Variants in DIAPH3 observed in about 807,000 individuals in gnomAD.
DIAPH3 encodes the protein protein diaphanous homolog 3.
In DIAPH3, 117 loss-of-function variants were observed where a neutral mutation model predicts 144.3. The observed-to-expected ratio is 0.81, with a 90% CI of 0.70 to 0.95. The LOEUF (loss-of-function observed/expected upper bound fraction) is 0.95, where lower values mean the gene tolerates loss of function less well. Ranked by LOEUF, DIAPH3 falls within the 40% of genes least tolerant of loss-of-function variation. The probability of loss-of-function intolerance (pLI) is 0.00; values close to 1 mark genes in which losing one functional copy is unlikely to be tolerated. For synonymous variants in DIAPH3, 519 were observed against 488.9 expected (o/e 1.06, Z -0.81); for missense variants, 1,421 against 1,412.7 (o/e 1.01, Z -0.09).
chr13:60,015,804 A>G lies in DIAPH3; in HGVS notation c.771+109T>C, dbSNP rs534214944. The G allele has an allele frequency of 1.6e-5, 15 of 942,904 alleles. No homozygotes were observed. In the East Asian group the frequency reaches 3.1e-4, roughly 19 times the overall value. The allele number at this position is 942,904 out of a possible 1,614,324, so 58.4% of individuals were successfully genotyped here. On this transcript the variant is annotated intron_variant, in intron 7 of 27. Coordinates refer to ENST00000400324, the MANE Select transcript of DIAPH3 (RefSeq NM_001042517.2). ...ATTCAATAAAATTCAATATTTTTCC[A>G]TCATGTACTAAAAAACACATCAGAA... is the stretch of plus-strand genomic sequence containing the variant.
At chr13:60,034,627 C>T (rs1450531959) in intron 5 of DIAPH3, 1 of 152,176 alleles carries the variant, frequency 6.6e-6, no homozygotes, top group Non-Finnish European at 1.5e-5. Context: ...CAGGAGGTCA[C>T]CATATTGATG....
rs138205175 is a variant in DIAPH3, at chr13:59,782,859, T to C, written c.3164-8036A>G. ...AAGAGACAAGACCCAGCTAAAGCTG[T>C]CAGGAAAGCTGTACAAGGCAGGGAT... On this transcript the variant is annotated intron_variant, in intron 25 of 27. Coordinates refer to ENST00000400324, the MANE Select transcript of DIAPH3 (RefSeq NM_001042517.2). Among the ~76,000 whole-genome samples, 49 of 152,166 alleles carry C rather than the reference T, an allele frequency of 3.2e-4. No homozygotes were observed. In the East Asian group the frequency reaches 9.5e-3, roughly 30 times the overall value.
chr13:59,700,384 A>G (rs952730696), intron 27 of DIAPH3, among the ~76,000 whole-genome samples: 1 of 152,194 alleles, frequency 6.6e-6, no homozygotes, highest in African/African-American at 2.4e-5. Context: ...ACAGACACAC[A>G]CTAATTCCTT....
Position 59,786,767 on chromosome 13 carries a change from A to G in DIAPH3, c.3164-11944T>C, listed in dbSNP as rs185198753. ...AAGCTCTGTGTGTATGTGTTTAGGG[A>G]GAGGGGGTAGAGAAGGTGGCTCTGT... On this transcript the variant is annotated intron_variant, in intron 25 of 27. Coordinates refer to ENST00000400324, the MANE Select transcript of DIAPH3 (RefSeq NM_001042517.2). 1.9e-3 allele frequency among the ~76,000 whole-genome samples: 295 copies of G among 152,292 alleles called. 2 individuals are homozygous for G. The highest frequency in any genetic ancestry group is 6.8e-3 in the African/African-American group (282 of 41,564).
rs180887125 is a variant in DIAPH3 at position 60,133,990 on chromosome 13, T to C, written c.181-1001A>G. Among the ~76,000 whole-genome samples the C allele has an allele frequency of 4.3e-4, 65 of 152,356 alleles. 1 individual carries two copies. The highest frequency in any genetic ancestry group is 1.6e-3 in the Admixed American group (24 of 15,304). ...TAGAATGAAATTTATCATTCATGTT[T>C]GTATACTCAAGTACACCTTCATGCT... On this transcript the variant is annotated intron_variant, in intron 1 of 27. Coordinates refer to ENST00000400324, the MANE Select transcript of DIAPH3 (RefSeq NM_001042517.2).
chr13:59,904,631 G>T (rs989054134), intron 20 of DIAPH3, among the ~76,000 whole-genome samples: 30 of 151,330 alleles, frequency 2.0e-4, no homozygotes, highest in African/African-American at 7.0e-4. Flanking sequence ...ATGTACAAAG[G>T]ACCAATGCGT....
At chr13:60,069,662 A>T (rs2057121877) in intron 4 of DIAPH3, among the ~76,000 whole-genome samples, 1 of 152,108 alleles carries the variant, frequency 6.6e-6, no homozygotes, top group Non-Finnish European at 1.5e-5. Context: ...TATATGGTGT[A>T]AGGAAGGGGT....
chr13:59,730,827 G>T (rs916347375), intron 27 of DIAPH3, among the ~76,000 whole-genome samples: 1 of 152,160 alleles, frequency 6.6e-6, no homozygotes, highest in African/African-American at 2.4e-5. Flanking sequence ...TCACATGAAT[G>T]TGCATGTGAA....
intron 17 of DIAPH3, among the ~76,000 whole-genome samples, chr13:59,968,019 G>A (rs1176676653): frequency 6.6e-6 from 1 of 152,172 alleles, no homozygotes; most frequent in African/African-American, 2.4e-5. Flanking sequence ...GCAGTACAAA[G>A]GCAGAGAGAG....
At chr13:60,111,403 G>A (rs1177668696) in intron 3 of DIAPH3, among the ~76,000 whole-genome samples, 2 of 152,222 alleles carry the variant, frequency 1.3e-5, no homozygotes, top group African/African-American at 4.8e-5. Context: ...CACAGTGACT[G>A]TCATTTTAAC....
chr13:59,957,302 G>T (rs1206569356), intron 17 of DIAPH3, among the ~76,000 whole-genome samples: 1 of 152,124 alleles, frequency 6.6e-6, no homozygotes, highest in Non-Finnish European at 1.5e-5. Context: ...CCCAGTGAGA[G>T]GTAATTTAAT....
At chr13:59,676,800 G>T (rs2032666680) in intron 27 of DIAPH3, among the ~76,000 whole-genome samples, 1 of 152,104 alleles carries the variant, frequency 6.6e-6, no homozygotes, top group African/African-American at 2.4e-5. Context: ...CATTTAATAA[G>T]AATCTGCTTA....
intron 27 of DIAPH3, among the ~76,000 whole-genome samples, chr13:59,731,787 C>T (rs1341802678): frequency 6.6e-6 from 1 of 152,088 alleles, no homozygotes; most frequent in Non-Finnish European, 1.5e-5. Context: ...AGTAAAGTTG[C>T]TTAGCTTTTC....
chr13:59,926,860 A>AATTCATTTG (rs2047776256), intron 17 of DIAPH3, among the ~76,000 whole-genome samples: 1 of 152,166 alleles, frequency 6.6e-6, no homozygotes, highest in African/African-American at 2.4e-5. Context: ...TCTACAGTGC[A>AATTCATTTG]GTTTCAGATT....
chr13:60,072,035 C>G (rs2057227673), intron 4 of DIAPH3, among the ~76,000 whole-genome samples: 1 of 152,146 alleles, frequency 6.6e-6, no homozygotes, highest in Non-Finnish European at 1.5e-5. Flanking sequence ...CATTCGCCAA[C>G]CCCCTTCCTC....
rs376509944 is a variant in DIAPH3 at position 60,163,835 on chromosome 13, G to T, written c.-69C>A. 915 of 1,525,692 alleles carry T rather than the reference G, an allele frequency of 6.0e-4. 3 individuals are homozygous for T. In the African/African-American group the frequency reaches 0.01, roughly 17 times the overall value. The allele number at this position is 1,525,692 out of a possible 1,614,324, so 94.5% of individuals were successfully genotyped here. On this transcript the variant is annotated 5_prime_UTR_variant, in exon 1 of 28. Coordinates refer to ENST00000400324, the MANE Select transcript of DIAPH3 (RefSeq NM_001042517.2). ...GCAAGCCGCAAGCTGGAAGCTGAGG[G>T]ATCGACAACAGGTTTTACTCCCGGG...
intron 4 of DIAPH3, among the ~76,000 whole-genome samples, chr13:60,087,769 T>G (rs1285931786): frequency 1.4e-5 from 2 of 147,306 alleles, no homozygotes; most frequent in Non-Finnish European, 3.0e-5. Context: ...GGAATTCTGC[T>G]TCTTGATCCA....
intron 27 of DIAPH3, among the ~76,000 whole-genome samples, chr13:59,671,957 A>C (rs2032394812): frequency 6.6e-6 from 1 of 152,200 alleles, no homozygotes; most frequent in Non-Finnish European, 1.5e-5. Flanking sequence ...TGACAAAGAA[A>C]GCTTAAAAAA....
At chr13:60,096,607 G>A (rs975739166) in intron 3 of DIAPH3, among the ~76,000 whole-genome samples, 3 of 152,172 alleles carry the variant, frequency 2.0e-5, no homozygotes, top group African/African-American at 7.2e-5. Context: ...CAGTAAGGAC[G>A]ATCCGCCCTC....
Sources: allele counts gnomAD v4.1 joint callset (sites outside exome capture counted in the v4.1 genomes callset), GRCh38; gene constraint gnomAD v4.1.1; transcripts MANE v1.5; gene names NCBI Gene and HGNC (gene_info 2026-07-23, HGNC 2026-07-21).